The following HM13 variants were observed in gnomAD, a reference collection of about 807,000 sequenced individuals.
The protein encoded by HM13 is signal peptide peptidase.
Under a neutral mutation model 50.0 loss-of-function variants are expected in HM13, and 18 were observed. The observed-to-expected ratio is 0.36, with a 90% CI of 0.25 to 0.53. HM13 has a LOEUF of 0.53. Among genes scored for constraint, HM13 ranks in the 20% least tolerant of loss-of-function variants. The pLI, the probability that HM13 is intolerant of heterozygous loss-of-function variation, is 0.90. For synonymous variants in HM13, 197 were observed against 232.6 expected (o/e 0.85, Z 1.39); for missense variants, 393 against 552.4 (o/e 0.71, Z 2.89).
chr20:31,532,568 C>G (rs1044027597), intron 2 of HM13, among the ~76,000 whole-genome samples: 1 of 151,932 alleles, frequency 6.6e-6, no homozygotes, highest in Non-Finnish European at 1.5e-5. Context: ...CTTCATTTCT[C>G]TCTCTGCCAG....
intron 1 of HM13, among the ~76,000 whole-genome samples, chr20:31,519,347 C>T (rs1409187331): frequency 3.3e-5 from 5 of 152,220 alleles, no homozygotes; most frequent in Admixed American, 6.5e-5. Flanking sequence ...GTGATCCACC[C>T]GCCTTGGCCT....
intron 8 of HM13, among the ~76,000 whole-genome samples, chr20:31,559,134 T>A (rs1211807261): frequency 1.3e-5 from 2 of 152,202 alleles, no homozygotes. Flanking sequence ...GCCAGGATGG[T>A]CTGGAACTCC....
At chr20:31,555,020 A>G (rs900931988) in intron 8 of HM13, among the ~76,000 whole-genome samples, 191 bp downstream of exon 8, 1 of 152,232 alleles carries the variant, frequency 6.6e-6, no homozygotes, top group African/African-American at 2.4e-5. Flanking sequence ...CCATGCCCCA[A>G]GCTGGGTCCT....
intron 4 of HM13, among the ~76,000 whole-genome samples, chr20:31,546,316 G>A (rs1047839800): frequency 4.6e-5 from 7 of 152,060 alleles, no homozygotes; most frequent in South Asian, 2.1e-4. Context: ...GATTACAGGC[G>A]TGAGCCACCG....
At position 31,568,238 on chromosome 20, in the gene HM13, G is replaced by T. The variant is rs994005734; in HGVS notation, c.1181+14G>T. On this transcript the variant is annotated intron_variant, in intron 12 of 12. Transcript: ENST00000398174. Reference sequence around the variant, plus strand: ...TCCCAGCGCCATGTAATGCCCAGCGGGTGCCCACCTGCCCGCTTCCCCCTA... The same window carrying T: ...TCCCAGCGCCATGTAATGCCCAGCGTGTGCCCACCTGCCCGCTTCCCCCTA... The T allele has an allele frequency of 5.6e-6, 9 of 1,610,610 alleles. No individual in the cohort carries two copies. The highest frequency in any genetic ancestry group is 7.6e-6 in the Non-Finnish European group (9 of 1,178,840).
chr20:31,529,159 A>G (rs908810926), intron 2 of HM13, among the ~76,000 whole-genome samples: 4 of 152,106 alleles, frequency 2.6e-5, no homozygotes, highest in African/African-American at 9.7e-5. Context: ...GGGTTTTACT[A>G]TGTTGCCCAG....
At chr20:31,551,900 A>G (rs1984052693) in intron 7 of HM13, among the ~76,000 whole-genome samples, 3 of 152,186 alleles carry the variant, frequency 2.0e-5, no homozygotes, top group Admixed American at 2.0e-4. Context: ...AGAGGAAAAC[A>G]GGTTTCTCCC....
At chr20:31,528,739 A>T (rs1241484975) in intron 2 of HM13, among the ~76,000 whole-genome samples, 1 of 152,216 alleles carries the variant, frequency 6.6e-6, no homozygotes, top group African/African-American at 2.4e-5. Flanking sequence ...GGCCTCCCAA[A>T]GTGCTGGGAT....
chr20:31,534,912 G>A (rs955697722), intron 2 of HM13, among the ~76,000 whole-genome samples: 13 of 151,884 alleles, frequency 8.6e-5, no homozygotes, highest in East Asian at 7.8e-4. Context: ...GTGATACCCC[G>A]TCTCTACTAA....
At position 31,549,231 on chromosome 20, in the gene HM13, G is replaced by C; in HGVS notation, c.565G>C (p.Gly189Arg). ...GCACTGGATTGCCAACAACCTTTTT[G>C]GCCTGGCCTTCTCCCTTAATGGAGT... ...RKHWIANNLF[G>R]LAFSLNGVEL... Residue 189 changes from glycine (G) to arginine (R), a missense_variant, in exon 6 of 13, where the codon GGC becomes CGC. Physicochemically the swap from Gly to Arg is moderately radical, Grantham distance 125. Around this residue, in one of 3 missense-constraint regions of HM13, gnomAD observed 214 missense variants for 276.1 expected, o/e 0.77. Coordinates refer to ENST00000398174, the MANE Select transcript of HM13 (RefSeq NM_178581.3). The C allele has an allele frequency of 1.2e-6, 2 of 1,614,152 alleles. No homozygotes were observed. The highest frequency in any genetic ancestry group is 1.7e-6 in the Non-Finnish European group (2 of 1,180,026).
At chr20:31,556,581 C>T (rs1984324189) in intron 8 of HM13, among the ~76,000 whole-genome samples, 1 of 152,156 alleles carries the variant, frequency 6.6e-6, no homozygotes, top group Non-Finnish European at 1.5e-5. Context: ...CACTAGTAAG[C>T]AACAGGGCCA....
At chr20:31,568,280 G>C in intron 12 of HM13, 56 bp downstream of exon 12, 1 of 1,590,636 alleles carries the variant, frequency 6.3e-7, no homozygotes, top group Non-Finnish European at 8.6e-7. Flanking sequence ...CGGGGCCCAA[G>C]GTAGGGCAGA....
At chr20:31,557,222 A>G (rs923188428) in intron 8 of HM13, among the ~76,000 whole-genome samples, 8 of 152,176 alleles carry the variant, frequency 5.3e-5, no homozygotes, top group Middle Eastern at 3.2e-3. Context: ...TTGCTTCCCC[A>G]GTAGAAGGCA....
Position 31,544,947 on chromosome 20 carries a change from C to A in HM13, c.366C>A (p.Ser122Arg). The change falls in exon 4 of 13, where the codon AGC (serine) becomes AGA (arginine). Residue 122 changes from serine to arginine, a missense_variant and splice_region_variant. Physicochemically the swap from Ser to Arg is moderately radical, Grantham distance 110. Around this residue, in one of 3 missense-constraint regions of HM13, gnomAD observed 214 missense variants for 276.1 expected, o/e 0.77. Transcript: ENST00000398174. ...CGACTTGCTTTGTCTTTCCTTCCAGCCCCTTCATGAATAAGTTTTTTCCAG... is the reference window on the plus strand; with the variant it reads ...CGACTTGCTTTGTCTTTCCTTCCAGACCCTTCATGAATAAGTTTTTTCCAG... ...LGILALSHTI[S>R]PFMNKFFPAS... is the part of the protein sequence containing the mutation. The A allele has an allele frequency of 6.2e-7, 1 of 1,613,842 alleles. No individual in the cohort carries two copies. The highest frequency in any genetic ancestry group is 8.5e-7 in the Non-Finnish European group (1 of 1,179,692).
Position 31,547,428 on chromosome 20 carries a change from C to A in HM13, c.455-1601C>A, listed in dbSNP as rs1600650784. The A allele has an allele frequency of 1.0e-5, 5 of 497,014 alleles. No individual in the cohort carries two copies. The East Asian group carries it at 1.9e-4, about 19-fold the overall frequency. The allele number at this position is 497,014 out of a possible 1,614,324, so 30.8% of individuals were successfully genotyped here. ...GCAGGCCGCGTGGCGCCCGCGCCGGCCTTCCTGCAGGGGACTCCACCGGAG... is the reference window on the plus strand; with the variant it reads ...GCAGGCCGCGTGGCGCCCGCGCCGGACTTCCTGCAGGGGACTCCACCGGAG... On this transcript the variant is annotated intron_variant, in intron 4 of 12. Transcript: ENST00000398174.
chr20:31,528,125 C>G (rs1982606278), intron 2 of HM13: 1 of 152,166 alleles, frequency 6.6e-6, no homozygotes, highest in African/African-American at 2.4e-5. Flanking sequence ...CAGTTTGTAG[C>G]TGCTTTTTTC....
At chr20:31,546,675 A>C (rs945479087) in intron 4 of HM13, among the ~76,000 whole-genome samples, 1 of 151,350 alleles carries the variant, frequency 6.6e-6, no homozygotes, top group Non-Finnish European at 1.5e-5. Flanking sequence ...AATCGCTTTA[A>C]CCTGGGAAGG....
Position 31,544,963 on chromosome 20 carries a change from T to A in HM13, c.382T>A (p.Phe128Ile), listed in dbSNP as rs184082131. 699 of 1,614,112 alleles carry A rather than the reference T, an allele frequency of 4.3e-4. 8 individuals carry two copies. The South Asian group carries it at 6.4e-3, about 15-fold the overall frequency. ...SHTISPFMNK[F>I]FPASFPNRQY... ...TCCTTCCAGCCCCTTCATGAATAAG[T>A]TTTTTCCAGCCAGCTTTCCAAATCG... is the stretch of plus-strand genomic sequence containing the variant. Residue 128 changes from phenylalanine (F) to isoleucine (I), a missense_variant, in exon 4 of 13, where the codon TTT becomes ATT. Physicochemically the swap from Phe to Ile is conservative, Grantham distance 21. This residue lies in a region of HM13 where 214 missense variants were observed against 276.1 expected (regional missense o/e 0.77). Coordinates refer to ENST00000398174, the MANE Select transcript of HM13 (RefSeq NM_178581.3).
chr20:31,546,662 G>A (rs1244678977), intron 4 of HM13, among the ~76,000 whole-genome samples: 1 of 151,858 alleles, frequency 6.6e-6, no homozygotes, highest in Non-Finnish European at 1.5e-5. Context: ...GCTGAGGCAG[G>A]AGAATCGCTT....
Sources: gnomAD v4.1 joint callset for allele counts (sites outside exome capture counted in the v4.1 genomes callset) on GRCh38, gnomAD v4.1.1 for gene constraint, gnomAD v4.1.1 regional missense constraint, MANE v1.5 for transcripts, NCBI Gene and HGNC (gene_info 2026-07-23, HGNC 2026-07-21) for gene names.